The following PARP10 variants were observed in gnomAD, a reference collection of about 807,000 sequenced individuals.
PARP10 encodes the protein poly(ADP-ribose) polymerase family member 10.
A neutral mutation model predicts 82.4 loss-of-function variants in PARP10; 56 were observed. The ratio of observed to expected loss-of-function variants is 0.68; its 90% CI spans 0.55 to 0.85. PARP10 has a LOEUF of 0.85. PARP10 is among the 40% of genes least tolerant of loss of function. The pLI is 0.00. For missense variants in PARP10, 1,227 were observed against 1,379.4 expected (o/e 0.89, Z 1.75); for synonymous variants, 576 against 601.1 (o/e 0.96, Z 0.61).
At chr8:143,989,299 TGCATCCCCAA>T (rs1834050427), upstream of PARP10, among the ~76,000 whole-genome samples, 1 of 152,226 alleles carries the variant, frequency 6.6e-6, no homozygotes, top group Non-Finnish European at 1.5e-5. The surrounding 1 kb of genome is among the most constrained non-coding windows in gnomAD (Gnocchi z 4.3). Context: ...CCAGTCCTGC[TGCATCCCCAA>T]GCCTCAGCCC....
At chr8:143,991,716 A>AC, upstream of PARP10, 1 of 1,613,514 alleles carries the variant, frequency 6.2e-7, no homozygotes, top group Non-Finnish European at 8.5e-7. Context: ...AACTACCAGG[A>AC]GGAGGGTCCC....
intron 5 of PARP10, 37 bp downstream of exon 5, chr8:143,984,507 G>T: frequency 1.9e-6 from 3 of 1,590,902 alleles, no homozygotes; most frequent in Non-Finnish European, 1.7e-6. Flanking sequence ...AGTAGGAGGA[G>T]GGGGCTGAAG....
At chr8:143,990,718 G>C (rs1176198273), upstream of PARP10, 2 of 152,220 alleles carry the variant, frequency 1.3e-5, no homozygotes, top group South Asian at 2.1e-4. This position sits in a 1 kb window ranked among gnomAD's most constrained non-coding sequence, Gnocchi z 5.6. Flanking sequence ...GGCCTTTGTT[G>C]GTCACAGATG....
chr8:143,978,036 A>G lies in PARP10; in HGVS notation c.2602T>C (p.Tyr868His), dbSNP rs376205242. 5 of 1,573,120 alleles carry G rather than the reference A, an allele frequency of 3.2e-6. No homozygotes were observed. The African/African-American group carries it at 5.4e-5, about 17-fold the overall frequency. Residue 868 changes from tyrosine (Y) to histidine (H), a missense_variant, in exon 10 of 11, where the codon TAC becomes CAC. Physicochemically the swap from Tyr to His is moderately conservative, Grantham distance 83 (BLOSUM62 2). Coordinates refer to ENST00000313028, the MANE Select transcript of PARP10 (RefSeq NM_032789.5). The stretch of plus-strand genomic sequence containing the variant: ...CATCGCTGCAGCAGGCGCTCCCGGT[A>G]CAGCTCATACTGCTGCTGCAGCAGC... ...HPLLQQQYELYRERLLQRCER... is the reference protein window; with the variant it reads ...HPLLQQQYELHRERLLQRCER...
At chr8:144,009,635 C>T (rs1834259734) in intron 1 of PARP10, among the ~76,000 whole-genome samples, 1 of 152,184 alleles carries the variant, frequency 6.6e-6, no homozygotes, top group Admixed American at 6.5e-5. Flanking sequence ...GCAGTACCCC[C>T]TGCCTCCTGG....
At chr8:144,006,963 T>A (rs1008822144) in intron 1 of PARP10, among the ~76,000 whole-genome samples, 2 of 152,222 alleles carry the variant, frequency 1.3e-5, no homozygotes, top group Non-Finnish European at 2.9e-5. Context: ...CGTGTCCACC[T>A]GCTCTCCATT....
chr8:143,994,032 A>G (rs1448646872), upstream of PARP10, among the ~76,000 whole-genome samples: 1 of 152,124 alleles, frequency 6.6e-6, no homozygotes, highest in Non-Finnish European at 1.5e-5. Context: ...GGGTCCCTCC[A>G]TTGCCTGGGA....
At position 143,986,094 on chromosome 8, in the gene PARP10, GTC is replaced by G. The variant is rs1564253868; in HGVS notation, c.140_141del (p.Arg47ThrfsTer97). 6.2e-7 allele frequency: 1 copy of G among 1,614,072 alleles called. No individual in the cohort carries two copies. On this transcript the variant is annotated frameshift_variant, in exon 2 of 11. Coordinates refer to ENST00000313028, the MANE Select transcript of PARP10 (RefSeq NM_032789.5). LOFTEE classifies it high-confidence loss of function. ...AAGGTGAGGACGCCCCCACAGCCCA[GTC>G]TCTGCCAGCTCAACACAGGTCCCCC... is the stretch of plus-strand genomic sequence containing the variant. ...SGGGPVLSWQ[R>X]LGCGGVLTFR... is the part of the protein sequence containing the mutation.
Position 143,982,864 on chromosome 8 carries a change from T to A in PARP10, c.2556+68A>T, listed in dbSNP as rs190692570. On this transcript the variant is annotated intron_variant, in intron 9 of 10. Coordinates refer to ENST00000313028, the MANE Select transcript of PARP10 (RefSeq NM_032789.5). Reference sequence around the variant, plus strand: ...TAGGCGAGAGGGACAGGCCACAGACTTGGCAAGGCGCTAATGGTGCAAGAG... The same window carrying A: ...TAGGCGAGAGGGACAGGCCACAGACATGGCAAGGCGCTAATGGTGCAAGAG... The A allele has an allele frequency of 2.3e-4, 366 of 1,582,208 alleles. 2 individuals carry two copies. The African/African-American group carries it at 4.4e-3, about 19-fold the overall frequency.
At position 143,981,279 on chromosome 8, in the gene PARP10, A is replaced by G. The variant is rs528224357; in HGVS notation, c.2556+1653T>C. ...GACAGTGGTGATGCTAATGGTGGTG[A>G]TGATGGTGGCCACGGTGGTGGTGGT... On this transcript the variant is annotated intron_variant, in intron 9 of 10. Coordinates refer to ENST00000313028, the MANE Select transcript of PARP10 (RefSeq NM_032789.5). 1.6e-4 allele frequency among the ~76,000 whole-genome samples: 24 copies of G among 152,038 alleles called. No homozygotes were observed. The East Asian group carries it at 2.9e-3, about 18-fold the overall frequency.
At chr8:144,012,704 C>G (rs1442685330) in exon 1 of PARP10, 2 of 1,551,636 alleles carry the variant, frequency 1.3e-6, no homozygotes, top group Admixed American at 2.0e-5. Context: ...CAACAGCAGG[C>G]CTTTCCTCAC....
upstream of PARP10, chr8:143,989,976 G>A (rs1452017209): frequency 6.6e-6 from 1 of 152,072 alleles, no homozygotes; most frequent in Non-Finnish European, 1.5e-5. The surrounding 1 kb of genome is among the most constrained non-coding windows in gnomAD (Gnocchi z 4.3). Flanking sequence ...CGGCGCAGCG[G>A]GAGGGGTCCG....
upstream of PARP10, among the ~76,000 whole-genome samples, chr8:143,995,545 C>T (rs782477755): frequency 7.2e-5 from 11 of 152,084 alleles, no homozygotes; most frequent in Non-Finnish European, 1.0e-4. Context: ...TGAGGCTGAA[C>T]GCACCTGTAG....
At chr8:144,012,259 C>A (rs183404587) in intron 1 of PARP10, among the ~76,000 whole-genome samples, 1 of 152,130 alleles carries the variant, frequency 6.6e-6, no homozygotes, top group Non-Finnish European at 1.5e-5. Flanking sequence ...GTGAAGTTGG[C>A]GAGACAGAGA....
At chr8:144,004,755 G>A (rs1401008125) in intron 1 of PARP10, among the ~76,000 whole-genome samples, 1 of 152,142 alleles carries the variant, frequency 6.6e-6, no homozygotes, top group Non-Finnish European at 1.5e-5. Context: ...TCACAGGTCG[G>A]CGCTCAGCTG....
At chr8:143,980,356 C>CAAAAAAAAAAAAAAAAAAAAAAAAAA in intron 9 of PARP10, among the ~76,000 whole-genome samples, 1 of 98,602 alleles carries the variant, frequency 1.0e-5, no homozygotes, top group Non-Finnish European at 2.1e-5. Flanking sequence ...AAAAAACCAT[C>CAAAAAAAAAAAAAAAAAAAAAAAAAA]TCTACTAAAA....
At chr8:143,995,387 G>C (rs1310153417), upstream of PARP10, among the ~76,000 whole-genome samples, 13 of 152,220 alleles carry the variant, frequency 8.5e-5, no homozygotes, top group Non-Finnish European at 1.8e-4. Context: ...AATTAAGCCA[G>C]GCTGGGCACA....
At chr8:144,000,902 G>T (rs1300898974) in intron 1 of PARP10, among the ~76,000 whole-genome samples, 2 of 104,960 alleles carry the variant, frequency 1.9e-5, no homozygotes, top group Non-Finnish European at 2.0e-5. Context: ...AATTCTTTGT[G>T]TGTGTGTTTT....
upstream of PARP10, chr8:143,989,987 C>A (rs967899664): frequency 1.3e-5 from 2 of 151,916 alleles, no homozygotes; most frequent in Non-Finnish European, 2.9e-5. This position sits in a 1 kb window ranked among gnomAD's most constrained non-coding sequence, Gnocchi z 4.3. Flanking sequence ...GAGGGGTCCG[C>A]GGAAGCCCCG....
Sources: gnomAD v4.1 joint callset for allele counts (sites outside exome capture counted in the v4.1 genomes callset) on GRCh38, gnomAD v4.1.1 for gene constraint, Gnocchi (gnomAD v3.1) non-coding constraint, MANE v1.5 for transcripts, NCBI Gene and HGNC (gene_info 2026-07-23, HGNC 2026-07-21) for gene names.